Variants in ERC2 observed in about 807,000 individuals in gnomAD.
The protein encoded by ERC2 is ERC protein 2.
A neutral mutation model predicts 114.8 loss-of-function variants in ERC2; 42 were observed. The ratio of observed to expected loss-of-function variants is 0.37; its 90% CI spans 0.29 to 0.47. The LOEUF is 0.47. Among genes scored for constraint, ERC2 ranks in the 20% least tolerant of loss-of-function variants. The probability of loss-of-function intolerance (pLI) is 0.99; values close to 1 mark genes in which losing one functional copy is unlikely to be tolerated. For missense variants in ERC2, 939 were observed against 1,150.7 expected (o/e 0.82, Z 2.66); for synonymous variants, 454 against 425.5 (o/e 1.07, Z -0.82).
chr3:56,263,046 A>T (rs956030560), intron 3 of ERC2, among the ~76,000 whole-genome samples: 42 of 152,214 alleles, frequency 2.8e-4, no homozygotes, highest in Non-Finnish European at 2.9e-4. Flanking sequence ...GCCCATTTCC[A>T]TTCATCTTAC....
At chr3:55,961,271 G>A (rs1029125061) in intron 12 of ERC2, among the ~76,000 whole-genome samples, 2 of 152,124 alleles carry the variant, frequency 1.3e-5, no homozygotes, top group Admixed American at 6.6e-5. Flanking sequence ...CTGCGGCTCT[G>A]AACAAGCAGT....
chr3:56,422,579 T>C (rs927235720), intron 2 of ERC2, among the ~76,000 whole-genome samples: 2 of 152,220 alleles, frequency 1.3e-5, no homozygotes, highest in African/African-American at 4.8e-5. Context: ...CCTTTCTGTA[T>C]ACCTCTTTGA....
chr3:56,219,176 A>G (rs928419286), intron 3 of ERC2, among the ~76,000 whole-genome samples: 3 of 152,188 alleles, frequency 2.0e-5, no homozygotes, highest in African/African-American at 7.2e-5. Context: ...CACATTGGGT[A>G]CCGTGTACAC....
At chr3:55,591,462 T>C (rs2107606184) in intron 17 of ERC2, among the ~76,000 whole-genome samples, 1 of 152,210 alleles carries the variant, frequency 6.6e-6, no homozygotes, top group South Asian at 2.1e-4. Context: ...CACATTTTGT[T>C]TTCCACATGC....
At position 56,401,707 on chromosome 3, in the gene ERC2, C is replaced by T. The variant is rs190695159; in HGVS notation, c.657+32644G>A. On this transcript the variant is annotated intron_variant, in intron 2 of 17. Transcript: ENST00000288221. The stretch of plus-strand genomic sequence containing the variant: ...AAGGTGATGCAAAACTGGAGCTTAG[C>T]CCAGGAGGGTTCTTGCCTTCACCCA... Among the ~76,000 whole-genome samples the T allele has an allele frequency of 7.2e-5, 11 of 152,216 alleles. No homozygotes were observed. The East Asian group carries it at 1.9e-3, about 27-fold the overall frequency.
At chr3:55,728,556 C>A (rs7630902) in intron 15 of ERC2, among the ~76,000 whole-genome samples, 8,343 of 152,174 alleles carry the variant, frequency 0.055, 662 homozygotes, top group African/African-American at 0.17. Context: ...TTATCCTAAC[C>A]CCTAGAGGAG....
chr3:56,025,296 C>T (rs1370631867), intron 7 of ERC2, among the ~76,000 whole-genome samples: 1 of 152,160 alleles, frequency 6.6e-6, no homozygotes, highest in Non-Finnish European at 1.5e-5. Context: ...AGTTGCATAA[C>T]AAATTGCCAC....
At chr3:56,172,921 G>T (rs2082755290) in intron 4 of ERC2, among the ~76,000 whole-genome samples, 1 of 152,140 alleles carries the variant, frequency 6.6e-6, no homozygotes, top group Admixed American at 6.5e-5. Context: ...AGGATACTTT[G>T]CAAGTACTTA....
At chr3:56,026,994 G>A (rs2074094721) in intron 7 of ERC2, among the ~76,000 whole-genome samples, 1 of 152,098 alleles carries the variant, frequency 6.6e-6, no homozygotes, top group Admixed American at 6.6e-5. Flanking sequence ...CTTAACCCAT[G>A]GCAACCATTA....
chr3:55,819,004 A>G (rs966026422), intron 14 of ERC2, among the ~76,000 whole-genome samples: 1 of 152,210 alleles, frequency 6.6e-6, no homozygotes, highest in Non-Finnish European at 1.5e-5. Flanking sequence ...GCACTGGTGC[A>G]AGCTAGTGTG....
In ERC2 at chr3:55,699,441, A is replaced by ATGG. The variant is rs780977338; in HGVS notation, c.2781_2783dup (p.His932dup). On this transcript the variant is annotated inframe_insertion, in exon 16 of 18. Transcript: ENST00000288221. ...TCCCAGGAGATCGATGGTGGTGGTG[A>ATGG]TGGTGGTGGTGGTGGTAATGGTGAT... 3.7e-6 allele frequency: 6 copies of ATGG among 1,613,334 alleles called. No homozygotes were observed. Among genetic ancestry groups the ATGG allele is most frequent in the Non-Finnish European group, 5.1e-6 (6 of 1,179,590 alleles).
At position 56,243,646 on chromosome 3, in the gene ERC2, G is replaced by A. The variant is rs112718863; in HGVS notation, c.1074+52373C>T. On this transcript the variant is annotated intron_variant, in intron 3 of 17. Transcript: ENST00000288221. ...GAGGTAAGAGAAGACCTGTGAAGGA[G>A]GTTTTTAAATATATTTTAAACAAGA... 2.6e-3 allele frequency among the ~76,000 whole-genome samples: 396 copies of A among 152,240 alleles called. 1 individual carries two copies. Among genetic ancestry groups the A allele is most frequent in the African/African-American group, 9.2e-3 (383 of 41,546 alleles).
At chr3:55,602,164 G>A (rs1264252768) in intron 17 of ERC2, among the ~76,000 whole-genome samples, 1 of 152,220 alleles carries the variant, frequency 6.6e-6, no homozygotes, top group Non-Finnish European at 1.5e-5. Flanking sequence ...TCTGTGCAAA[G>A]TCAGTGTGTG....
chr3:56,302,572 C>T (rs760139409), intron 2 of ERC2, among the ~76,000 whole-genome samples: 2 of 152,136 alleles, frequency 1.3e-5, no homozygotes, highest in African/African-American at 4.8e-5. Context: ...GTGAAAGGTA[C>T]GAAAAACTGC....
intron 14 of ERC2, among the ~76,000 whole-genome samples, chr3:55,739,329 C>T (rs1479671027): frequency 2.0e-5 from 3 of 152,282 alleles, no homozygotes; most frequent in South Asian, 2.1e-4. Context: ...CTTGAGGAAT[C>T]GCCACACCGT....
At chr3:55,941,552 C>T (rs2066797268) in intron 13 of ERC2, among the ~76,000 whole-genome samples, 1 of 152,218 alleles carries the variant, frequency 6.6e-6, no homozygotes, top group Non-Finnish European at 1.5e-5. Flanking sequence ...TTTCTGAGAG[C>T]ACCCTCAATA....
intron 14 of ERC2, among the ~76,000 whole-genome samples, chr3:55,771,968 G>A (rs4974144): frequency 0.16 from 23,646 of 152,074 alleles, 2,021 homozygotes; most frequent in East Asian, 0.22. Context: ...ATCCATCAGC[G>A]ACCTGGGAGC....
chr3:55,546,302 G>A (rs559167169), intron 17 of ERC2, among the ~76,000 whole-genome samples: 2 of 152,226 alleles, frequency 1.3e-5, no homozygotes, highest in East Asian at 1.9e-4. Flanking sequence ...CCTCCTCCGG[G>A]AGCACTGTCC....
chr3:55,866,061 A>G (rs72879135), intron 14 of ERC2, among the ~76,000 whole-genome samples: 6,726 of 152,246 alleles, frequency 0.044, 305 homozygotes, highest in African/African-American at 0.11. Context: ...ACCATTTTAC[A>G]GTCCTACTGG....
Sources: gnomAD v4.1 joint callset for allele counts (sites outside exome capture counted in the v4.1 genomes callset) on GRCh38, gnomAD v4.1.1 for gene constraint, MANE v1.5 for transcripts, NCBI Gene and HGNC (gene_info 2026-07-23, HGNC 2026-07-21) for gene names.